The following INPP5A variants were observed in gnomAD, a reference collection of about 807,000 sequenced individuals.
The protein encoded by INPP5A is 43 kDa inositol polyphosphate 5-phophatase.
In INPP5A, 14 loss-of-function variants were observed where a neutral mutation model predicts 65.2. The ratio of observed to expected loss-of-function variants is 0.21; its 90% CI spans 0.14 to 0.34. INPP5A has a LOEUF of 0.34. INPP5A is among the 10% of genes least tolerant of loss of function. The probability of loss-of-function intolerance (pLI) is 1.00; values close to 1 mark genes in which losing one functional copy is unlikely to be tolerated. For missense variants in INPP5A, 431 were observed against 545.6 expected (o/e 0.79, Z 2.09); for synonymous variants, 207 against 208.3 (o/e 0.99, Z 0.05).
chr10:132,537,992 C>A lies in INPP5A; in HGVS notation c.-105C>A. The A allele has an allele frequency of 2.7e-6, 1 of 364,278 alleles. No homozygotes were observed. Among genetic ancestry groups the A allele is most frequent in the Non-Finnish European group, 3.8e-6 (1 of 264,578 alleles). The allele number at this position is 364,278 out of a possible 1,614,324, so 22.6% of individuals were successfully genotyped here. A position where few individuals can be genotyped will look rare whatever the true frequency, so the allele number is the denominator to read the frequency against. On this transcript the variant is annotated 5_prime_UTR_variant, in exon 1 of 16. Coordinates refer to ENST00000368594, the MANE Select transcript of INPP5A (RefSeq NM_005539.5). ...GATGCGCCCCGGGGCCGCCCCCCGGCGCAGCTGACGCCCCGCGGCCCCGCG... is the reference window on the plus strand; with the variant it reads ...GATGCGCCCCGGGGCCGCCCCCCGGAGCAGCTGACGCCCCGCGGCCCCGCG...
chr10:132,645,068 G>A (rs931371225), intron 2 of INPP5A, among the ~76,000 whole-genome samples: 1 of 152,234 alleles, frequency 6.6e-6, no homozygotes, highest in East Asian at 1.9e-4. Flanking sequence ...GGTCACACAG[G>A]AAGCCGCACT....
In INPP5A at chr10:132,741,145, A is replaced by T. The variant is rs957465786; in HGVS notation, c.733-8372A>T. Reference sequence around the variant, plus strand: ...ATACTCAGGAGGCTGAGGCGGGAGGATTGCTTGAGCCCGGAGGTCGAGGCT... The same window carrying T: ...ATACTCAGGAGGCTGAGGCGGGAGGTTTGCTTGAGCCCGGAGGTCGAGGCT... On this transcript the variant is annotated intron_variant, in intron 9 of 15. Transcript: ENST00000368594. The surrounding 1 kb of genome is among the most constrained non-coding windows in gnomAD (Gnocchi z 4.4). Among the ~76,000 whole-genome samples the T allele has an allele frequency of 6.6e-6, 1 of 152,170 alleles. No homozygotes were observed. The highest frequency in any genetic ancestry group is 1.5e-5 in the Non-Finnish European group (1 of 68,030).
At chr10:132,604,812 C>T (rs1325784111) in intron 1 of INPP5A, among the ~76,000 whole-genome samples, 1 of 152,196 alleles carries the variant, frequency 6.6e-6, no homozygotes, top group East Asian at 1.9e-4. Flanking sequence ...TTTGATCAGA[C>T]CTGTGAGCAG....
At chr10:132,652,774 G>T (rs189866182) in intron 4 of INPP5A, among the ~76,000 whole-genome samples, 61 of 152,386 alleles carry the variant, frequency 4.0e-4, no homozygotes, top group Admixed American at 1.8e-3. Flanking sequence ...AGGAGTGGCT[G>T]TCTGCATGTC....
chr10:132,566,635 A>G (rs1426927121), intron 1 of INPP5A, among the ~76,000 whole-genome samples: 2 of 152,246 alleles, frequency 1.3e-5, no homozygotes, highest in South Asian at 4.1e-4. Context: ...TTATCTCGAT[A>G]GATGCTGAAA....
rs987873149 is a variant in INPP5A at position 132,637,698 on chromosome 10, G to A, written c.118-8170G>A. On this transcript the variant is annotated intron_variant, in intron 2 of 15. Transcript: ENST00000368594. This position sits in a 1 kb window ranked among gnomAD's most constrained non-coding sequence, Gnocchi z 4.1. ...TGTGCTTTGCCTTTGCCGCCCCCGAGGTTGATGGGCGCTCTCCGTCTCTTT... is the reference window on the plus strand; with the variant it reads ...TGTGCTTTGCCTTTGCCGCCCCCGAAGTTGATGGGCGCTCTCCGTCTCTTT... 4.6e-5 allele frequency among the ~76,000 whole-genome samples: 7 copies of A among 152,130 alleles called. No individual in the cohort carries two copies. Among genetic ancestry groups the A allele is most frequent in the Non-Finnish European group, 1.0e-4 (7 of 68,036 alleles).
intron 1 of INPP5A, among the ~76,000 whole-genome samples, chr10:132,589,897 C>T (rs953101861): frequency 6.6e-6 from 1 of 152,234 alleles, no homozygotes; most frequent in Non-Finnish European, 1.5e-5. Context: ...CCACCCAGGG[C>T]CACGCCTGGC....
intron 13 of INPP5A, 71 bp from the exon 14 acceptor site, chr10:132,780,778 G>A (rs1177651758): frequency 4.9e-6 from 6 of 1,221,134 alleles, no homozygotes; most frequent in Non-Finnish European, 6.1e-6. Flanking sequence ...TGATGTTCCT[G>A]CCAGTCAGCT....
intron 5 of INPP5A, among the ~76,000 whole-genome samples, chr10:132,691,422 T>C (rs1376957099): frequency 1.3e-5 from 2 of 152,172 alleles, no homozygotes; most frequent in African/African-American, 4.8e-5. Flanking sequence ...TGCTGTGCGC[T>C]CAGGCACGGA....
chr10:132,754,595 T>A (rs1396874760), intron 11 of INPP5A, among the ~76,000 whole-genome samples: 1 of 152,184 alleles, frequency 6.6e-6, no homozygotes, highest in Non-Finnish European at 1.5e-5. Flanking sequence ...ACACACGAAT[T>A]TCCTTTTATT....
At chr10:132,553,105 T>G (rs1321784309) in intron 1 of INPP5A, among the ~76,000 whole-genome samples, 1 of 134,804 alleles carries the variant, frequency 7.4e-6, no homozygotes, top group Non-Finnish European at 1.6e-5. Context: ...GAACGCCTTC[T>G]CAGAGCCTTG....
chr10:132,553,979 T>C (rs925906215), intron 1 of INPP5A, among the ~76,000 whole-genome samples: 1 of 147,652 alleles, frequency 6.8e-6, no homozygotes, highest in Non-Finnish European at 1.5e-5. Flanking sequence ...CTCAGAGCCT[T>C]GGTGGAATAT....
chr10:132,652,145 G>A (rs1374067352), intron 4 of INPP5A, among the ~76,000 whole-genome samples: 2 of 151,966 alleles, frequency 1.3e-5, no homozygotes, highest in Admixed American at 1.3e-4. Flanking sequence ...ACTCTCCTCT[G>A]CCATGACCCA....
At chr10:132,729,369 G>T (rs987889006) in intron 9 of INPP5A, among the ~76,000 whole-genome samples, 2 of 152,154 alleles carry the variant, frequency 1.3e-5, no homozygotes, top group African/African-American at 4.8e-5. Context: ...AGTGTTTTTT[G>T]ATCACCAAGA....
chr10:132,624,533 C>T (rs2072154945), intron 2 of INPP5A, among the ~76,000 whole-genome samples: 1 of 152,120 alleles, frequency 6.6e-6, no homozygotes, highest in Non-Finnish European at 1.5e-5. Flanking sequence ...CGTGTCTGCA[C>T]TTCCCACTGG....
At chr10:132,677,297 G>A (rs1057277527) in intron 4 of INPP5A, among the ~76,000 whole-genome samples, 3 of 152,224 alleles carry the variant, frequency 2.0e-5, no homozygotes, top group Non-Finnish European at 2.9e-5. Context: ...CTCCCCACTG[G>A]GGCTCCTCTG....
At chr10:132,694,210 T>G (rs1845311648) in intron 5 of INPP5A, among the ~76,000 whole-genome samples, 1 of 152,090 alleles carries the variant, frequency 6.6e-6, no homozygotes, top group South Asian at 2.1e-4. Context: ...AAACCAGAAA[T>G]CAGCACCAGA....
Position 132,537,874 on chromosome 10 carries a change from G to T in INPP5A, c.-223G>T. On this transcript the variant is annotated 5_prime_UTR_variant, in exon 1 of 16. Transcript: ENST00000368594. Reference sequence around the variant, plus strand: ...GCGCGGGCCGCTGTGAGGCGCGGCGGCGAGCGACGGGCGCGGGGCCGCGGA... The same window carrying T: ...GCGCGGGCCGCTGTGAGGCGCGGCGTCGAGCGACGGGCGCGGGGCCGCGGA... 1 of 341,760 alleles carries T rather than the reference G, an allele frequency of 2.9e-6. No homozygotes were observed. The highest frequency in any genetic ancestry group is 5.3e-6 in the Non-Finnish European group (1 of 189,796). The allele number at this position is 341,760 out of a possible 1,614,324, so 21.2% of individuals were successfully genotyped here. A position where few individuals can be genotyped will look rare whatever the true frequency, so the allele number is the denominator to read the frequency against.
chr10:132,749,622 G>C lies in INPP5A; in HGVS notation c.828+10G>C. 1 of 1,612,100 alleles carries C rather than the reference G, an allele frequency of 6.2e-7. No homozygotes were observed. The highest frequency in any genetic ancestry group is 1.3e-5 in the African/African-American group (1 of 75,060). On this transcript the variant is annotated intron_variant, in intron 10 of 15. Coordinates refer to ENST00000368594, the MANE Select transcript of INPP5A (RefSeq NM_005539.5). ...GGACAACGACCGGAAGGTGAGCGGG[G>C]CCTGTGACTGGGCAGGTGACGCACG...
Sources: allele counts gnomAD v4.1 joint callset (sites outside exome capture counted in the v4.1 genomes callset), GRCh38; gene constraint gnomAD v4.1.1; non-coding constraint Gnocchi (gnomAD v3.1); transcripts MANE v1.5; gene names NCBI Gene and HGNC (gene_info 2026-07-23, HGNC 2026-07-21).